Variants in GPC5 observed in about 807,000 individuals in gnomAD.
GPC5 encodes the protein glypican 5.
Under a neutral mutation model 53.9 loss-of-function variants are expected in GPC5, and 47 were observed. That is an observed-to-expected ratio of 0.87 (90% CI 0.69 to 1.11). GPC5 has a LOEUF of 1.11. GPC5 is among the 50% of genes most tolerant of loss of function. GPC5 has a pLI of 0.00. For missense variants in GPC5, 748 were observed against 713.1 expected (o/e 1.05, Z -0.56); for synonymous variants, 286 against 263.3 (o/e 1.09, Z -0.84).
At chr13:92,616,396 T>C (rs1266405372) in intron 7 of GPC5, among the ~76,000 whole-genome samples, 2 of 152,160 alleles carry the variant, frequency 1.3e-5, no homozygotes, top group African/African-American at 2.4e-5. Flanking sequence ...ATAGCATACC[T>C]TGGAGGTATG....
chr13:92,184,470 C>T (rs1165421407), intron 7 of GPC5, among the ~76,000 whole-genome samples: 1 of 152,108 alleles, frequency 6.6e-6, no homozygotes, highest in Non-Finnish European at 1.5e-5. Flanking sequence ...TCCCCACTTC[C>T]TACTTCTCCT....
chr13:91,432,091 C>CA (rs915338834), intron 1 of GPC5, among the ~76,000 whole-genome samples: 3 of 151,648 alleles, frequency 2.0e-5, no homozygotes, highest in Non-Finnish European at 2.9e-5. Context: ...GGTGAGTTGG[C>CA]AAAAAAATAT....
intron 7 of GPC5, among the ~76,000 whole-genome samples, chr13:92,623,058 A>G (rs1384614001): frequency 6.6e-6 from 1 of 151,836 alleles, no homozygotes; most frequent in African/African-American, 2.4e-5. Context: ...CCCAGCTACT[A>G]GGGAGGCTGT....
At chr13:92,453,470 A>T (rs1316317991) in intron 7 of GPC5, among the ~76,000 whole-genome samples, 1 of 152,122 alleles carries the variant, frequency 6.6e-6, no homozygotes, top group East Asian at 1.9e-4. Context: ...ACACTGAATG[A>T]CATGAGCCCC....
At position 91,986,061 on chromosome 13, in the gene GPC5, C is replaced by CTTTTTTT. The variant is rs779259362; in HGVS notation, c.1401+78020_1401+78026dup. On this transcript the variant is annotated intron_variant, in intron 6 of 7. Transcript: ENST00000377067. ...ATTTTAAATTTATTCTTAGCCAATA[C>CTTTTTTT]TTTTTTTTTTTTTTTTTTTTTTGAG... is the stretch of plus-strand genomic sequence containing the variant. Among the ~76,000 whole-genome samples, 74 of 95,456 alleles carry CTTTTTTT rather than the reference C, an allele frequency of 7.8e-4. 1 individual carries two copies. Among genetic ancestry groups the CTTTTTTT allele is most frequent in the Middle Eastern group, 9.8e-3 (1 of 102 alleles). 62.6% of individuals were successfully genotyped at this position (95,456 alleles called of 152,430 possible).
chr13:91,583,123 A>G (rs2032431574), intron 2 of GPC5, among the ~76,000 whole-genome samples: 1 of 152,236 alleles, frequency 6.6e-6, no homozygotes, highest in Admixed American at 6.5e-5. Context: ...ACTTAATAAT[A>G]AAATGCTGAC....
At position 92,101,019 on chromosome 13, in the gene GPC5, G is replaced by T. The variant is rs189005944; in HGVS notation, c.1402-43811G>T. Among the ~76,000 whole-genome samples the T allele has an allele frequency of 6.2e-3, 944 of 152,186 alleles. 4 individuals carry two copies. Among genetic ancestry groups the T allele is most frequent in the Non-Finnish European group, 8.9e-3 (605 of 68,006 alleles). Reference sequence around the variant, plus strand: ...ATCCCCTAGAGATTCTACCAAAAATGGGTGGTTGTTTGGCAACTTAAAACT... The same window carrying T: ...ATCCCCTAGAGATTCTACCAAAAATTGGTGGTTGTTTGGCAACTTAAAACT... On this transcript the variant is annotated intron_variant, in intron 6 of 7. Coordinates refer to ENST00000377067, the MANE Select transcript of GPC5 (RefSeq NM_004466.6).
At chr13:92,203,058 A>G (rs1348854684) in intron 7 of GPC5, among the ~76,000 whole-genome samples, 1 of 152,198 alleles carries the variant, frequency 6.6e-6, no homozygotes, top group Non-Finnish European at 1.5e-5. Context: ...ATTCACCCCC[A>G]TAGAACTAGT....
At chr13:91,475,531 T>A (rs188437457) in intron 2 of GPC5, among the ~76,000 whole-genome samples, 1 of 152,318 alleles carries the variant, frequency 6.6e-6, no homozygotes, top group African/African-American at 2.4e-5. Flanking sequence ...TATTTCTTGT[T>A]CATGCGTCTG....
chr13:91,736,403 C>T (rs559539672), intron 4 of GPC5, among the ~76,000 whole-genome samples: 4 of 151,252 alleles, frequency 2.6e-5, no homozygotes, highest in Middle Eastern at 3.4e-3. Context: ...TCAAAATTTT[C>T]GTGAAAGCTA....
At chr13:91,596,747 C>T (rs1221504036) in intron 2 of GPC5, among the ~76,000 whole-genome samples, 2 of 152,152 alleles carry the variant, frequency 1.3e-5, no homozygotes, top group African/African-American at 2.4e-5. Context: ...TGTACTCTCT[C>T]CAGTGCCCGG....
intron 2 of GPC5, among the ~76,000 whole-genome samples, chr13:91,668,063 GA>G (rs754131034): frequency 6.6e-6 from 1 of 152,168 alleles, no homozygotes; most frequent in Non-Finnish European, 1.5e-5. Flanking sequence ...CTGTTGTCAA[GA>G]ATAGAAATAT....
chr13:92,797,850 T>G (rs1876747332), intron 7 of GPC5, among the ~76,000 whole-genome samples: 1 of 150,318 alleles, frequency 6.7e-6, no homozygotes, highest in Non-Finnish European at 1.5e-5. Context: ...GATAGATAGA[T>G]AGATAGATAG....
intron 2 of GPC5, among the ~76,000 whole-genome samples, chr13:91,684,799 A>G (rs1389154848): frequency 6.6e-6 from 1 of 152,212 alleles, no homozygotes; most frequent in Admixed American, 6.5e-5. Context: ...CATTCCACAT[A>G]GAAAATCTGA....
At chr13:92,327,311 T>A (rs1005681769) in intron 7 of GPC5, among the ~76,000 whole-genome samples, 12 of 152,184 alleles carry the variant, frequency 7.9e-5, no homozygotes, top group African/African-American at 2.9e-4. Context: ...GAAAACACTT[T>A]CCACTGTAAA....
At chr13:91,499,207 C>T (rs1325462540) in intron 2 of GPC5, among the ~76,000 whole-genome samples, 2 of 152,062 alleles carry the variant, frequency 1.3e-5, no homozygotes, top group Non-Finnish European at 2.9e-5. Context: ...CTGTTATTAT[C>T]TCCAAGAGCA....
intron 5 of GPC5, among the ~76,000 whole-genome samples, chr13:91,891,062 G>T (rs2039380328): frequency 6.6e-6 from 1 of 152,134 alleles, no homozygotes; most frequent in Non-Finnish European, 1.5e-5. Context: ...GAACAGAGCT[G>T]TTCCCATTTT....
intron 6 of GPC5, among the ~76,000 whole-genome samples, chr13:92,082,360 C>A (rs2041302812): frequency 6.6e-6 from 1 of 152,054 alleles, no homozygotes; most frequent in Admixed American, 6.6e-5. Context: ...GGGACTAAGG[C>A]AATATAGTTC....
At chr13:92,697,336 A>G (rs1887586830) in intron 7 of GPC5, among the ~76,000 whole-genome samples, 1 of 152,148 alleles carries the variant, frequency 6.6e-6, no homozygotes, top group Non-Finnish European at 1.5e-5. Flanking sequence ...ATGAGCACGG[A>G]ATGTTTTTCC....
Sources: gnomAD v4.1 joint callset for allele counts (sites outside exome capture counted in the v4.1 genomes callset) on GRCh38, gnomAD v4.1.1 for gene constraint, MANE v1.5 for transcripts, NCBI Gene and HGNC (gene_info 2026-07-23, HGNC 2026-07-21) for gene names.